Variants in EP400 observed in about 807,000 individuals in gnomAD.
EP400 encodes E1A binding protein p400.
In EP400, 105 loss-of-function variants were observed where a neutral mutation model predicts 354.1. The ratio of observed to expected loss-of-function variants is 0.30; its 90% confidence interval spans 0.25 to 0.35. The LOEUF (loss-of-function observed/expected upper bound fraction) is 0.35. EP400 is among the 10% of genes least tolerant of loss of function. EP400 has a pLI of 1.00. For missense variants in EP400, 3,280 were observed against 4,121.0 expected (o/e 0.80, Z 5.59); for synonymous variants, 1,646 against 1,716.9 (o/e 0.96, Z 1.02).
At position 132,019,968 on chromosome 12, in the gene EP400, G is replaced by C. The variant is rs117527807; in HGVS notation, c.4278-81G>C. Reference sequence around the variant, plus strand: ...GAGCTGGCTTCCTATGGGCAGCGGTGAACCCCGGCTCCATGAGGTGGCCTG... The same window carrying C: ...GAGCTGGCTTCCTATGGGCAGCGGTCAACCCCGGCTCCATGAGGTGGCCTG... On this transcript the variant is annotated intron_variant, in intron 21 of 52. Transcript: ENST00000389561. 8.4e-3 allele frequency: 11,822 copies of C among 1,408,662 alleles called. 308 individuals carry two copies. The highest frequency in any genetic ancestry group is 0.081 in the South Asian group (5,003 of 61,870). The allele number at this position is 1,408,662 out of a possible 1,614,324, so 87.3% of individuals were successfully genotyped here. A position where few individuals can be genotyped will look rare whatever the true frequency, so the allele number is the denominator to read the frequency against.
chr12:131,980,687 A>G (rs1892651201), intron 3 of EP400, among the ~76,000 whole-genome samples: 1 of 152,202 alleles, frequency 6.6e-6, no homozygotes, highest in African/African-American at 2.4e-5. Context: ...CTGGGACTAC[A>G]GGCGCGTGCC....
intron 2 of EP400, among the ~76,000 whole-genome samples, chr12:131,970,797 TAGTG>T (rs1295862292): frequency 6.6e-6 from 1 of 152,202 alleles, no homozygotes; most frequent in Non-Finnish European, 1.5e-5. Flanking sequence ...GGTATAAGGA[TAGTG>T]AGGTGATTAC....
At chr12:132,020,419 A>G (rs909803166) in intron 22 of EP400, among the ~76,000 whole-genome samples, 2 of 152,162 alleles carry the variant, frequency 1.3e-5, no homozygotes, top group African/African-American at 2.4e-5. Context: ...TGTTTTCCCT[A>G]TTGAAGAAGC....
At chr12:131,970,455 TAGAG>T (rs1026686217) in intron 2 of EP400, among the ~76,000 whole-genome samples, 1 of 152,232 alleles carries the variant, frequency 6.6e-6, no homozygotes, top group Non-Finnish European at 1.5e-5. Context: ...CACGATGCTC[TAGAG>T]AGACTCTTGT....
chr12:132,053,348 G>A lies in EP400; in HGVS notation c.7479G>A (p.Leu2493=). ...CTTCCTTCCTGGCCCCTCAGGCTCT[G>A]GCTGATCAGCAGAAGGCACAGCAGC... ...AERIAKEKKA[L]ADQQKAQQPA... is the part of the protein sequence containing the mutation. Residue 2493 remains leucine, a synonymous_variant, in exon 43 of 53, where the codon CTG becomes CTA. Coordinates refer to ENST00000389561, the MANE Select transcript of EP400 (RefSeq NM_015409.5). 6.3e-7 allele frequency: 1 copy of A among 1,583,304 alleles called. No individual in the cohort carries two copies. Among genetic ancestry groups the A allele is most frequent in the East Asian group, 2.2e-5 (1 of 44,704 alleles).
intron 2 of EP400, among the ~76,000 whole-genome samples, chr12:131,978,087 T>G (rs1272029135): frequency 6.6e-6 from 1 of 152,230 alleles, no homozygotes; most frequent in Non-Finnish European, 1.5e-5. Flanking sequence ...GGGTTAAGTC[T>G]GTGCTAACCA....
chr12:132,018,472 A>AGTTAGGTTATCTGCTGCTCTTGGT lies in EP400; in HGVS notation c.4277+119_4277+120insTGTTAGGTTATCTGCTGCTCTTGG. ...TGGTGAAAAGAAAGGCTGCTAATGT[A>AGTTAGGTTATCTGCTGCTCTTGGT]GTTAGGTTATCTGCTGCTCTTGGGA... is the stretch of plus-strand genomic sequence containing the variant. On this transcript the variant is annotated intron_variant, in intron 21 of 52. Transcript: ENST00000389561. The surrounding 1 kb of genome is among the most constrained non-coding windows in gnomAD (Gnocchi z 4.0). 1 of 1,481,028 alleles carries AGTTAGGTTATCTGCTGCTCTTGGT rather than the reference A, an allele frequency of 6.8e-7. No homozygotes were observed. Among genetic ancestry groups the AGTTAGGTTATCTGCTGCTCTTGGT allele is most frequent in the East Asian group, 2.3e-5 (1 of 43,222 alleles). 91.7% of individuals were successfully genotyped at this position (1,481,028 alleles called of 1,614,324 possible).
chr12:131,989,853 A>T (rs1892972360), intron 7 of EP400, 111 bp from the exon 8 acceptor site: 7 of 1,253,806 alleles, frequency 5.6e-6, no homozygotes, highest in African/African-American at 1.5e-5. Context: ...TGTATATGAC[A>T]GTGAATTGTA....
chr12:132,037,160 G>A lies in EP400; in HGVS notation c.5952-522G>A, dbSNP rs141697276. Among the ~76,000 whole-genome samples, 83 of 152,266 alleles carry A rather than the reference G, an allele frequency of 5.5e-4. 1 individual carries two copies. Among genetic ancestry groups the A allele is most frequent in the African/African-American group, 1.9e-3 (77 of 41,520 alleles). On this transcript the variant is annotated intron_variant, in intron 30 of 52. Transcript: ENST00000389561. ...CCTTGTGTCCCTGCACTGGGGGTCC[G>A]TCTGTCCAGTGGGGTGACATCTGCA...
chr12:131,979,873 G>A, intron 3 of EP400, 80 bp downstream of exon 3: 1 of 1,180,278 alleles, frequency 8.5e-7, no homozygotes, highest in East Asian at 2.6e-5. Context: ...ATGAGTTTCT[G>A]AAGAGCAGTT....
intron 34 of EP400, 66 bp from the exon 35 acceptor site, chr12:132,044,111 A>G (rs1895003407): frequency 1.9e-6 from 3 of 1,586,158 alleles, no homozygotes; most frequent in Non-Finnish European, 1.7e-6. Context: ...AACCTGGAGC[A>G]GGGACTCGGG....
chr12:132,017,632 C>T lies in EP400; in HGVS notation c.4021C>T (p.Arg1341Trp), dbSNP rs770283237. 8.1e-6 allele frequency: 13 copies of T among 1,609,478 alleles called. No homozygotes were observed. Among genetic ancestry groups the T allele is most frequent in the East Asian group, 4.5e-5 (2 of 44,778 alleles). The change falls in exon 20 of 53, where the codon CGG (arginine) becomes TGG (tryptophan). Residue 1341 changes from arginine to tryptophan, a missense_variant. Transcript: ENST00000389561. This position sits in a 1 kb window ranked among gnomAD's most constrained non-coding sequence, Gnocchi z 5.0. ...ICNHPGLVEP[R>W]HPGSSYVAGP... is the part of the protein sequence containing the mutation. ...CAACCACCCTGGGCTCGTCGAGCCC[C>T]GGCACCCAGGCTCTTCCTACGTGGC... is the stretch of plus-strand genomic sequence containing the variant.
intron 50 of EP400, chr12:132,068,471 A>T (rs1444999709): frequency 6.6e-6 from 1 of 152,284 alleles, no homozygotes; most frequent in Admixed American, 6.5e-5. Flanking sequence ...CTGTGCTGTG[A>T]GCCGCTGCTA....
At chr12:132,015,738 C>G (rs1893906798) in intron 19 of EP400, among the ~76,000 whole-genome samples, 1 of 152,178 alleles carries the variant, frequency 6.6e-6, no homozygotes. Context: ...CTCTTTCTTT[C>G]CGGGCCTGTG....
chr12:131,986,693 T>C lies in EP400; in HGVS notation c.2109T>C (p.Thr703=). 1 of 1,614,184 alleles carries C rather than the reference T, an allele frequency of 6.2e-7. No homozygotes were observed. The highest frequency in any genetic ancestry group is 8.5e-7 in the Non-Finnish European group (1 of 1,180,022). The change falls in exon 6 of 53, where the codon ACT becomes ACC. Residue 703 remains threonine (T), a synonymous_variant. Coordinates refer to ENST00000389561, the MANE Select transcript of EP400 (RefSeq NM_015409.5). ...CCAATAAGGCACTATCTCCAGTCAC[T>C]TCCCGGACCCCAGGGGTGGTGGCAT... The part of the protein sequence containing the change: ...SATNKALSPV[T]SRTPGVVASA...
At chr12:132,024,701 G>A (rs1006964500) in intron 24 of EP400, among the ~76,000 whole-genome samples, 2 of 108,928 alleles carry the variant, frequency 1.8e-5, no homozygotes, top group East Asian at 2.4e-4. Flanking sequence ...CACCTTCCTC[G>A]ACAGCAGCCT....
rs751584295 is a variant in EP400, at chr12:132,044,660, G to A, written c.6586-11G>A. 6.2e-7 allele frequency: 1 copy of A among 1,614,172 alleles called. No individual in the cohort carries two copies. Among genetic ancestry groups the A allele is most frequent in the South Asian group, 1.1e-5 (1 of 91,072 alleles). ...CTTGGTGGAAGTCAGAGCTTGCCGT[G>A]TTCCCTACAGGAGTATGTCTACGAA... On this transcript the variant is annotated splice_polypyrimidine_tract_variant and intron_variant, in intron 35 of 52. Transcript: ENST00000389561.
In EP400 at chr12:132,050,116, G is replaced by A. The variant is rs1895242677; in HGVS notation, c.7201-207G>A. ...CTGGAAAGGATTAGCATGGACTGGA[G>A]AGTGTCACAGCAGTCGGCCGCGACA... On this transcript the variant is annotated intron_variant, in intron 39 of 52. Coordinates refer to ENST00000389561, the MANE Select transcript of EP400 (RefSeq NM_015409.5). This position sits in a 1 kb window ranked among gnomAD's most constrained non-coding sequence, Gnocchi z 4.8. 6.6e-6 allele frequency among the ~76,000 whole-genome samples: 1 copy of A among 152,182 alleles called. No homozygotes were observed. The highest frequency in any genetic ancestry group is 2.4e-5 in the African/African-American group (1 of 41,442).
At chr12:131,972,338 A>G (rs903034015) in intron 2 of EP400, among the ~76,000 whole-genome samples, 2 of 151,900 alleles carry the variant, frequency 1.3e-5, no homozygotes, top group Non-Finnish European at 2.9e-5. Flanking sequence ...TATTTTTAGT[A>G]GAGACGGGGC....
Sources: gnomAD v4.1 joint callset for allele counts (sites outside exome capture counted in the v4.1 genomes callset) on GRCh38, gnomAD v4.1.1 for gene constraint, Gnocchi (gnomAD v3.1) non-coding constraint, MANE v1.5 for transcripts, NCBI Gene and HGNC (gene_info 2026-07-23, HGNC 2026-07-21) for gene names.